SHANK2: variants seen among roughly 807,000 people sequenced by gnomAD.
The protein encoded by SHANK2 is SH3 and multiple ankyrin repeat domains 2.
Under a neutral mutation model 133.7 loss-of-function variants are expected in SHANK2, and 43 were observed. The observed-to-expected ratio is 0.32, with a 90% CI of 0.25 to 0.41. The LOEUF is 0.41. Ranked by LOEUF, SHANK2 falls within the 10% of genes least tolerant of loss-of-function variation. The probability of loss-of-function intolerance (pLI) is 1.00; values close to 1 mark genes in which losing one functional copy is unlikely to be tolerated. For synonymous variants in SHANK2, 1,017 were observed against 952.8 expected, an observed-to-expected ratio of 1.07 and a Z score of -1.24; for missense variants, 1,994 against 2,235.8, an observed-to-expected ratio of 0.89 and a Z score of 2.18.
intron 10 of SHANK2, chr11:70,948,290 T>A (rs1950781636): frequency 2.2e-6 from 1 of 457,164 alleles, no homozygotes; most frequent in Non-Finnish European, 4.4e-6. Context: ...TCTGCTTACT[T>A]GTTAATTATC....
At chr11:70,717,153 C>A (rs1945951497) in intron 14 of SHANK2, among the ~76,000 whole-genome samples, 1 of 152,242 alleles carries the variant, frequency 6.6e-6, no homozygotes, top group Non-Finnish European at 1.5e-5. Context: ...CACTCGGGAG[C>A]AGGCACGCTG....
chr11:70,796,903 C>T (rs1410315841), intron 14 of SHANK2, among the ~76,000 whole-genome samples: 3 of 152,192 alleles, frequency 2.0e-5, no homozygotes, highest in Non-Finnish European at 4.4e-5. Flanking sequence ...CCCCCCAGCA[C>T]CAGGATAGTT....
At chr11:71,183,952 A>T (rs946134935) in intron 2 of SHANK2, among the ~76,000 whole-genome samples, 18 of 152,166 alleles carry the variant, frequency 1.2e-4, no homozygotes, top group Non-Finnish European at 2.4e-4. Flanking sequence ...CAAAAGTAAC[A>T]TGGGAAGGGG....
At chr11:70,491,356 T>C (rs961434847) in intron 22 of SHANK2, among the ~76,000 whole-genome samples, 7 of 152,034 alleles carry the variant, frequency 4.6e-5, no homozygotes, top group African/African-American at 1.4e-4. Flanking sequence ...CCCCCCCAAC[T>C]TGGTGGGGCA....
intron 1 of SHANK2, among the ~76,000 whole-genome samples, chr11:71,251,487 C>G (rs1948177953): frequency 6.6e-6 from 1 of 151,876 alleles, no homozygotes; most frequent in East Asian, 1.9e-4. Flanking sequence ...GGTCCCCGCG[C>G]CTGGCGCCCG....
intron 6 of SHANK2, among the ~76,000 whole-genome samples, chr11:71,099,328 TCTAA>T (rs1436275493): frequency 1.3e-5 from 2 of 152,192 alleles, no homozygotes; most frequent in African/African-American, 4.8e-5. Flanking sequence ...ATATCGGTTC[TCTAA>T]CTGTGAGAAG....
intron 21 of SHANK2, among the ~76,000 whole-genome samples, chr11:70,494,151 G>C (rs1279062739): frequency 6.6e-6 from 1 of 152,166 alleles, no homozygotes; most frequent in Non-Finnish European, 1.5e-5. Flanking sequence ...GGCGCCCTGT[G>C]ATGGCCCCTC....
At chr11:70,772,231 G>C (rs554973787) in intron 14 of SHANK2, among the ~76,000 whole-genome samples, 9 of 152,182 alleles carry the variant, frequency 5.9e-5, no homozygotes, top group Admixed American at 5.2e-4. Context: ...CTTGAGGTCA[G>C]GAGTTTGAGA....
At chr11:70,663,358 C>T (rs1409410103) in intron 15 of SHANK2, among the ~76,000 whole-genome samples, 3 of 152,082 alleles carry the variant, frequency 2.0e-5, no homozygotes, top group Admixed American at 6.5e-5. Context: ...ACGGGGCAAA[C>T]GTGGATGACA....
At chr11:71,171,203 G>A (rs540280154) in intron 2 of SHANK2, among the ~76,000 whole-genome samples, 116 of 152,292 alleles carry the variant, frequency 7.6e-4, no homozygotes, top group African/African-American at 2.5e-3. Flanking sequence ...AGACACATGC[G>A]GGTGGGCTTG....
At chr11:71,059,376 G>T (rs1311797566) in intron 9 of SHANK2, among the ~76,000 whole-genome samples, 1 of 152,138 alleles carries the variant, frequency 6.6e-6, no homozygotes, top group Admixed American at 6.5e-5. Flanking sequence ...GGTCGATGGT[G>T]GTGATGGTTG....
In SHANK2 at chr11:71,074,257, G is replaced by A. The variant is rs1199732186; in HGVS notation, c.1029+902C>T. On this transcript the variant is annotated intron_variant, in intron 9 of 25. Transcript: ENST00000601538. ...CAGCGTGTGAGAAACAAACTTACCC[G>A]TTTAAACCCAAAGAATGGACTTAGA... Among the ~76,000 whole-genome samples the A allele has an allele frequency of 3.9e-5, 6 of 152,176 alleles. No homozygotes were observed. The East Asian group carries it at 5.8e-4, about 15-fold the overall frequency.
intron 15 of SHANK2, among the ~76,000 whole-genome samples, chr11:70,674,642 TC>T (rs1317184406): frequency 6.6e-6 from 1 of 152,240 alleles, no homozygotes; most frequent in South Asian, 2.1e-4. Context: ...AGCCACAATG[TC>T]CAGCCAATGA....
Position 71,188,208 on chromosome 11 carries a change from ACATCCTGCTGAGACCTCCCCTTAGTATC to A in SHANK2, c.-13+36461_-13+36488del, listed in dbSNP as rs1555114799. 2.0e-5 allele frequency among the ~76,000 whole-genome samples: 3 copies of A among 151,990 alleles called. No individual in the cohort carries two copies. The highest frequency in any genetic ancestry group is 4.4e-5 in the Non-Finnish European group (3 of 67,988). On this transcript the variant is annotated intron_variant, in intron 2 of 25. Transcript: ENST00000601538. This position sits in a 1 kb window ranked among gnomAD's most constrained non-coding sequence, Gnocchi z 4.6. The stretch of plus-strand genomic sequence containing the variant: ...TGATCTTGCCACCTCCATCTCTCTC[ACATCCTGCTGAGACCTCCCCTTAGTATC>A]CCCTGCTGGTGTCACTCTGGTCATG...
rs1948371714 is a variant in SHANK2, at chr11:70,815,415, T to C, written c.1493+4949A>G. Among the ~76,000 whole-genome samples, 3 of 152,168 alleles carry C rather than the reference T, an allele frequency of 2.0e-5. No individual in the cohort carries two copies. In the South Asian group the frequency reaches 6.2e-4, roughly 32 times the overall value. On this transcript the variant is annotated intron_variant, in intron 12 of 25. Coordinates refer to ENST00000601538, the MANE Select transcript of SHANK2 (RefSeq NM_012309.5). ...AGGCTCTGGCTCACCTGGGAGGGGC[T>C]TGTGCAGTGATGGGCAGCGAGGGAC...
At chr11:70,767,168 T>C (rs1195131393) in intron 14 of SHANK2, among the ~76,000 whole-genome samples, 5 of 152,222 alleles carry the variant, frequency 3.3e-5, no homozygotes, top group African/African-American at 1.2e-4. Flanking sequence ...GCCAAGCAGC[T>C]GGGAGAGCCT....
chr11:70,877,276 G>T (rs1395118395), intron 11 of SHANK2, among the ~76,000 whole-genome samples: 2 of 152,242 alleles, frequency 1.3e-5, no homozygotes, highest in Non-Finnish European at 2.9e-5. Context: ...TCAGGGCCAG[G>T]AGGCCTGGGC....
chr11:71,220,112 G>A (rs545090017), intron 2 of SHANK2, among the ~76,000 whole-genome samples: 11 of 152,026 alleles, frequency 7.2e-5, no homozygotes, highest in Admixed American at 7.2e-4. Context: ...CATGCCTGTG[G>A]TCCCAACTAC....
At chr11:70,895,103 G>A (rs1949912914) in intron 11 of SHANK2, among the ~76,000 whole-genome samples, 1 of 152,246 alleles carries the variant, frequency 6.6e-6, no homozygotes, top group Non-Finnish European at 1.5e-5. Context: ...TCACAGGAGG[G>A]ATGTGCAAGT....
Sources: gnomAD v4.1 joint callset for allele counts (sites outside exome capture counted in the v4.1 genomes callset) on GRCh38, gnomAD v4.1.1 for gene constraint, Gnocchi (gnomAD v3.1) non-coding constraint, MANE v1.5 for transcripts, NCBI Gene and HGNC (gene_info 2026-07-23, HGNC 2026-07-21) for gene names.